The following DARS2 variants were observed in gnomAD, a reference collection of about 807,000 sequenced individuals.
DARS2 encodes aspartyl-tRNA synthetase 2, mitochondrial, also known as aspartate--tRNA ligase, mitochondrial.
DARS2 carries 63 observed loss-of-function variants against 83.0 expected under a neutral mutation model. That is an observed-to-expected ratio of 0.76 (90% CI 0.62 to 0.94). DARS2 has a LOEUF of 0.94. Ranked by LOEUF, DARS2 falls within the 40% of genes least tolerant of loss-of-function variation. The probability of loss-of-function intolerance (pLI) is 0.00; values close to 1 mark genes in which losing one functional copy is unlikely to be tolerated. For missense variants in DARS2, 675 were observed against 774.4 expected (o/e 0.87, Z 1.52); for synonymous variants, 250 against 269.3 (o/e 0.93, Z 0.70).
intron 12 of DARS2, 65 bp from the exon 13 acceptor site, chr1:173,850,262 A>C (rs970031433): frequency 6.7e-7 from 1 of 1,484,056 alleles, no homozygotes; most frequent in East Asian, 2.4e-5. Flanking sequence ...TATTATAAGA[A>C]GATAAATTAA....
chr1:173,825,449 C>CATTATTATTATTATTATTATTATT lies in DARS2; in HGVS notation c.127+106_127+129dup, dbSNP rs55949406. On this transcript the variant is annotated intron_variant, in intron 1 of 16. Transcript: ENST00000649689. Reference sequence around the variant, plus strand: ...TTATTCCATTTTTCATTTTTTCCCCCATTATTATTATTATTATTATTATTA... The same window carrying CATTATTATTATTATTATTATTATT: ...TTATTCCATTTTTCATTTTTTCCCCCATTATTATTATTATTATTATTATTATTATTATTATTATTATTATTATTA... 284 of 471,826 alleles carry CATTATTATTATTATTATTATTATT rather than the reference C, an allele frequency of 6.0e-4. 2 individuals carry two copies. Among genetic ancestry groups the CATTATTATTATTATTATTATTATT allele is most frequent in the Middle Eastern group, 7.6e-4 (1 of 1,318 alleles). 29.2% of individuals were successfully genotyped at this position (471,826 alleles called of 1,614,324 possible).
chr1:173,832,852 G>T (rs978374998), intron 5 of DARS2, among the ~76,000 whole-genome samples: 7 of 151,424 alleles, frequency 4.6e-5, no homozygotes, highest in African/African-American at 1.7e-4. Flanking sequence ...CTGTCCCTTT[G>T]CATTCTTTAC....
In DARS2 at chr1:173,825,278, C is replaced by G; in HGVS notation, c.49C>G (p.Pro17Ala). The stretch of plus-strand genomic sequence containing the variant: ...TCAGCTGTACAGGGGTTTATCCAGA[C>G]CCATCAGAAGGACCACCCAACCGAT... Reference protein sequence around the residue: ...LSQLYRGLSRPIRRTTQPIWG... With the variant: ...LSQLYRGLSRAIRRTTQPIWG... Residue 17 changes from proline to alanine, a missense_variant, in exon 1 of 17, where the codon CCC becomes GCC. Physicochemically the swap from Pro to Ala is conservative, Grantham distance 27. Coordinates refer to ENST00000649689, the MANE Select transcript of DARS2 (RefSeq NM_018122.5). The G allele has an allele frequency of 1.2e-6, 2 of 1,613,630 alleles. No homozygotes were observed. The highest frequency in any genetic ancestry group is 1.7e-6 in the Non-Finnish European group (2 of 1,179,804).
In DARS2 at chr1:173,857,872, C is replaced by T; in HGVS notation, c.*167C>T. ...CAACGAAGAAACAGATAAAAGATAC[C>T]CAATTTTGACTTGATTTCATGCATC... On this transcript the variant is annotated 3_prime_UTR_variant, in exon 17 of 17. Transcript: ENST00000649689. 6 of 750,538 alleles carry T rather than the reference C, an allele frequency of 8.0e-6. No homozygotes were observed. Among genetic ancestry groups the T allele is most frequent in the Non-Finnish European group, 1.3e-5 (6 of 461,150 alleles). The allele number at this position is 750,538 out of a possible 1,614,324, so 46.5% of individuals were successfully genotyped here.
rs182633137 is a variant in DARS2, at chr1:173,851,946, T to C, written c.1345-1403T>C. 42 of 985,306 alleles carry C rather than the reference T, an allele frequency of 4.3e-5. 1 individual carries two copies. In the African/African-American group the frequency reaches 6.3e-4, roughly 15 times the overall value. The allele number at this position is 985,306 out of a possible 1,614,324, so 61.0% of individuals were successfully genotyped here. A position where few individuals can be genotyped will look rare whatever the true frequency, so the allele number is the denominator to read the frequency against. On this transcript the variant is annotated intron_variant, in intron 13 of 16. Transcript: ENST00000649689. ...ATTTCCAAATTTTATTATGAATGCA[T>C]TTCTTAAAAAAGAACATGGGATTTT...
At chr1:173,841,066 T>A in intron 11 of DARS2, 93 bp downstream of exon 11, 1 of 869,960 alleles carries the variant, frequency 1.1e-6, no homozygotes, top group Non-Finnish European at 1.9e-6. Flanking sequence ...GAAAGAACAA[T>A]TCTTTTTAAA....
intron 13 of DARS2, 46 bp from the exon 14 acceptor site, chr1:173,853,303 T>G (rs1653742484): frequency 6.3e-7 from 1 of 1,586,222 alleles, no homozygotes; most frequent in African/African-American, 1.3e-5. Context: ...ATTTCCTGCC[T>G]GCTCTGTCAA....
chr1:173,827,456 C>T lies in DARS2; in HGVS notation c.227+670C>T, dbSNP rs552877039. The stretch of plus-strand genomic sequence containing the variant: ...CAGCCCAGCCAATATGATGAAACCC[C>T]GTCTCTACTAAAAATACAAAAAAAG... On this transcript the variant is annotated intron_variant, in intron 2 of 16. Coordinates refer to ENST00000649689, the MANE Select transcript of DARS2 (RefSeq NM_018122.5). Among the ~76,000 whole-genome samples the T allele has an allele frequency of 3.9e-5, 6 of 152,196 alleles. No individual in the cohort carries two copies. In the East Asian group the frequency reaches 7.7e-4, roughly 20 times the overall value.
At chr1:173,825,593 C>G (rs560081478) in intron 1 of DARS2, among the ~76,000 whole-genome samples, 19 of 151,866 alleles carry the variant, frequency 1.3e-4, no homozygotes, top group African/African-American at 4.1e-4. Context: ...CTCAGCCTCC[C>G]GAGTAGCTGG....
chr1:173,855,078 G>A (rs1653809937), intron 15 of DARS2, among the ~76,000 whole-genome samples: 1 of 151,428 alleles, frequency 6.6e-6, no homozygotes, highest in African/African-American at 2.4e-5. Context: ...AGTCCTTAAA[G>A]TTTAAGGGCA....
chr1:173,834,375 A>T, intron 6 of DARS2, 98 bp from the exon 7 acceptor site: 1 of 933,984 alleles, frequency 1.1e-6, no homozygotes, highest in Non-Finnish European at 1.7e-6. Context: ...ATTCTTAATT[A>T]AAGGGAAGCC....
rs983047651 is a variant in DARS2 at position 173,845,016 on chromosome 1, A to G, written c.1129-213A>G. On this transcript the variant is annotated intron_variant, in intron 11 of 16. Coordinates refer to ENST00000649689, the MANE Select transcript of DARS2 (RefSeq NM_018122.5). ...ACCATGTTGGTCGGGCTGGTTTTGAACTCCCAACTTTCAAGCAGTCCACCC... is the reference window on the plus strand; with the variant it reads ...ACCATGTTGGTCGGGCTGGTTTTGAGCTCCCAACTTTCAAGCAGTCCACCC... Among the ~76,000 whole-genome samples, 4 of 151,540 alleles carry G rather than the reference A, an allele frequency of 2.6e-5. No homozygotes were observed. The South Asian group carries it at 8.4e-4, about 32-fold the overall frequency.
chr1:173,838,414 C>CT (rs111398321), intron 9 of DARS2, among the ~76,000 whole-genome samples, 155 bp downstream of exon 9: 30 of 149,018 alleles, frequency 2.0e-4, no homozygotes, highest in Admixed American at 1.0e-3. Context: ...ACTAATTATT[C>CT]TTTTTTTTTT....
chr1:173,837,704 A>T (rs1653054588), intron 8 of DARS2, among the ~76,000 whole-genome samples: 1 of 152,198 alleles, frequency 6.6e-6, no homozygotes, highest in African/African-American at 2.4e-5. Context: ...CAATATATAG[A>T]ATAGTTAACT....
Position 173,830,818 on chromosome 1 carries a change from G to C in DARS2, c.396+57G>C, listed in dbSNP as rs146039643. 1,963 of 1,316,686 alleles carry C rather than the reference G, an allele frequency of 1.5e-3. 19 individuals are homozygous for C. In the African/African-American group the frequency reaches 0.023, roughly 15 times the overall value. 81.6% of individuals were successfully genotyped at this position (1,316,686 alleles called of 1,614,324 possible). A position where few individuals can be genotyped will look rare whatever the true frequency, so the allele number is the denominator to read the frequency against. ...TTGCTTGTATGCATTTGCACCATCT[G>C]TGTACACATTCTGGCAACACATGAC... is the stretch of plus-strand genomic sequence containing the variant. On this transcript the variant is annotated intron_variant, in intron 4 of 16. Transcript: ENST00000649689.
Position 173,838,193 on chromosome 1 carries a change from T to G in DARS2, c.774T>G (p.Tyr258Ter). The G allele has an allele frequency of 6.2e-7, 1 of 1,612,312 alleles. No homozygotes were observed. Among genetic ancestry groups the G allele is most frequent in the Non-Finnish European group, 8.5e-7 (1 of 1,178,386 alleles). The change falls in exon 9 of 17, where the codon TAT becomes TAG. Residue 258 changes from tyrosine to a stop codon, truncating the protein, a stop_gained. Transcript: ENST00000649689. LOFTEE classifies it high-confidence loss of function. ...QLLMVGGLDR[Y>*]FQVARCYRDE... ...TAATGCTATTTCTCAATTGTAGATATTTTCAGGTTGCCCGATGTTATCGAG... is the reference window on the plus strand; with the variant it reads ...TAATGCTATTTCTCAATTGTAGATAGTTTCAGGTTGCCCGATGTTATCGAG...
At position 173,830,751 on chromosome 1, in the gene DARS2, A is replaced by G. The variant is rs1321589576; in HGVS notation, c.386A>G (p.Gln129Arg). 3.7e-6 allele frequency: 6 copies of G among 1,613,614 alleles called. No homozygotes were observed. The highest frequency in any genetic ancestry group is 5.1e-6 in the Non-Finnish European group (6 of 1,179,536). The change falls in exon 4 of 17, where the codon CAA becomes CGA. Residue 129 changes from glutamine to arginine, a missense_variant. Gln to Arg is a conservative substitution (Grantham distance 43, BLOSUM62 1). Transcript: ENST00000649689. ...ACAGTCATTTCCCGTCCTGCAGGACAAGAGAATCCAGTAGGTAGTTTCGAA... is the reference window on the plus strand; with the variant it reads ...ACAGTCATTTCCCGTCCTGCAGGACGAGAGAATCCAGTAGGTAGTTTCGAA... The part of the protein sequence containing the change: ...SGTVISRPAG[Q>R]ENPKMPTGEI...
At chr1:173,842,239 T>C (rs1653248235) in intron 11 of DARS2, among the ~76,000 whole-genome samples, 2 of 149,230 alleles carry the variant, frequency 1.3e-5, no homozygotes, top group African/African-American at 2.4e-5. Context: ...ATAAGCATTA[T>C]ATTCAGAATG....
At position 173,839,634 on chromosome 1, in the gene DARS2, T is replaced by A. The variant is rs1653134887; in HGVS notation, c.1020+88T>A. The A allele has an allele frequency of 7.1e-6, 9 of 1,260,210 alleles. No individual in the cohort carries two copies. The Admixed American group carries it at 1.6e-4, about 22-fold the overall frequency. 78.1% of individuals were successfully genotyped at this position (1,260,210 alleles called of 1,614,324 possible). ...TTTGAAATTGACAAGTGTTACACAC[T>A]GTTAGATGATATTTTTGTTGTTACC... On this transcript the variant is annotated intron_variant, in intron 10 of 16. Coordinates refer to ENST00000649689, the MANE Select transcript of DARS2 (RefSeq NM_018122.5).
Sources: allele counts gnomAD v4.1 joint callset (sites outside exome capture counted in the v4.1 genomes callset), GRCh38; gene constraint gnomAD v4.1.1; transcripts MANE v1.5; gene names NCBI Gene and HGNC (gene_info 2026-07-23, HGNC 2026-07-21).